Variants in MAGI2 observed in about 807,000 individuals in gnomAD.
The protein encoded by MAGI2 is membrane associated guanylate kinase, WW and PDZ domain containing 2.
Under a neutral mutation model 133.3 loss-of-function variants are expected in MAGI2, and 35 were observed. That is an observed-to-expected ratio of 0.26 (90% CI 0.20 to 0.35). MAGI2 has a LOEUF of 0.35. Ranked by LOEUF, MAGI2 falls within the 10% of genes least tolerant of loss-of-function variation. The pLI, the probability that MAGI2 is intolerant of heterozygous loss-of-function variation, is 1.00. For missense variants in MAGI2, 1,636 were observed against 1,863.4 expected, an observed-to-expected ratio of 0.88 and a Z score of 2.25; for synonymous variants, 729 against 710.6, an observed-to-expected ratio of 1.03 and a Z score of -0.41.
intron 6 of MAGI2, among the ~76,000 whole-genome samples, chr7:78,399,033 C>T (rs1169685934): frequency 2.0e-5 from 3 of 152,160 alleles, no homozygotes; most frequent in African/African-American, 7.2e-5. Context: ...AAGTAAAATG[C>T]TTTTCTTTCA....
At chr7:78,967,580 CTTATGT>C (rs1250113766) in intron 2 of MAGI2, among the ~76,000 whole-genome samples, 2 of 151,268 alleles carry the variant, frequency 1.3e-5, no homozygotes, top group Non-Finnish European at 2.9e-5. Flanking sequence ...AGTTTCAGGT[CTTATGT>C]TTAAGTCTTT....
chr7:78,233,883 A>T (rs1282629838), intron 10 of MAGI2, among the ~76,000 whole-genome samples: 1 of 152,122 alleles, frequency 6.6e-6, no homozygotes, highest in Admixed American at 6.6e-5. Context: ...GCCTAGGTAG[A>T]AGGTAGTTTC....
intron 2 of MAGI2, among the ~76,000 whole-genome samples, chr7:78,947,364 T>C (rs1801504933): frequency 6.6e-6 from 1 of 152,206 alleles, no homozygotes; most frequent in African/African-American, 2.4e-5. Flanking sequence ...AGACAAACCA[T>C]ACCCTTAAAA....
chr7:79,024,554 A>G (rs577012789), intron 1 of MAGI2, among the ~76,000 whole-genome samples: 1 of 151,960 alleles, frequency 6.6e-6, no homozygotes, highest in South Asian at 2.1e-4. Flanking sequence ...AAAACTATCA[A>G]CAAAGTAAAG....
At chr7:78,766,819 G>A (rs886474) in intron 2 of MAGI2, among the ~76,000 whole-genome samples, 134,079 of 152,098 alleles carry the variant, frequency 0.88, 59,176 homozygotes, top group East Asian at 1. Context: ...AAGCAGGCTT[G>A]TGTGACAGAA....
At chr7:78,793,165 G>A (rs989129108) in intron 2 of MAGI2, among the ~76,000 whole-genome samples, 5 of 152,182 alleles carry the variant, frequency 3.3e-5, no homozygotes, top group African/African-American at 1.2e-4. Context: ...CTAGATGGTG[G>A]CAGCTCTATC....
In MAGI2 at chr7:78,516,510, G is replaced by T. The variant is rs183679875; in HGVS notation, c.754+4920C>A. Among the ~76,000 whole-genome samples, 1,038 of 152,196 alleles carry T rather than the reference G, an allele frequency of 6.8e-3. 10 individuals carry two copies. Among genetic ancestry groups the T allele is most frequent in the Non-Finnish European group, 0.011 (721 of 68,004 alleles). ...TGGGACTACAGATGTGTACCACCAGGTCTGGCTAATTTTTATATTTTTTGT... is the reference window on the plus strand; with the variant it reads ...TGGGACTACAGATGTGTACCACCAGTTCTGGCTAATTTTTATATTTTTTGT... On this transcript the variant is annotated intron_variant, in intron 4 of 21. Coordinates refer to ENST00000354212, the MANE Select transcript of MAGI2 (RefSeq NM_012301.4).
intron 2 of MAGI2, among the ~76,000 whole-genome samples, chr7:78,782,798 T>G (rs1353645608): frequency 6.6e-6 from 1 of 152,030 alleles, no homozygotes; most frequent in African/African-American, 2.4e-5. Context: ...TTGACAGTAC[T>G]AAGCAGATCC....
At chr7:78,464,320 T>C (rs1363183607) in intron 6 of MAGI2, among the ~76,000 whole-genome samples, 3 of 152,184 alleles carry the variant, frequency 2.0e-5, no homozygotes, top group Non-Finnish European at 4.4e-5. Flanking sequence ...AATAACATCT[T>C]TGTTGTGAAA....
chr7:78,898,631 C>A (rs1476896650), intron 2 of MAGI2, among the ~76,000 whole-genome samples: 2 of 151,936 alleles, frequency 1.3e-5, no homozygotes, highest in Non-Finnish European at 2.9e-5. Flanking sequence ...TAGAGGGGAA[C>A]AACACACACT....
intron 3 of MAGI2, among the ~76,000 whole-genome samples, chr7:78,537,613 T>C (rs1042439349): frequency 5.9e-5 from 9 of 152,232 alleles, no homozygotes; most frequent in African/African-American, 2.2e-4. Context: ...TTGAGGATTT[T>C]TTCATGTTTC....
intron 6 of MAGI2, among the ~76,000 whole-genome samples, chr7:78,468,843 G>A (rs897683049): frequency 6.6e-6 from 1 of 152,154 alleles, no homozygotes; most frequent in Non-Finnish European, 1.5e-5. Flanking sequence ...TCTGGCAGAG[G>A]TGACACAAGT....
chr7:78,614,756 T>G (rs1806889403), intron 3 of MAGI2: 1 of 152,174 alleles, frequency 6.6e-6, no homozygotes, highest in Admixed American at 6.6e-5. Flanking sequence ...TTAAAATATT[T>G]TATACCAAGA....
chr7:78,989,246 T>C lies in MAGI2; in HGVS notation c.418+17844A>G, dbSNP rs942777539. Among the ~76,000 whole-genome samples the C allele has an allele frequency of 2.6e-5, 4 of 152,084 alleles. No individual in the cohort carries two copies. The South Asian group carries it at 8.3e-4, about 32-fold the overall frequency. ...TTACCCCAAAGAATTGGCTATGAGATAAATTTCATTATGCTAGTCAAGGAT... is the reference window on the plus strand; with the variant it reads ...TTACCCCAAAGAATTGGCTATGAGACAAATTTCATTATGCTAGTCAAGGAT... On this transcript the variant is annotated intron_variant, in intron 2 of 21. Coordinates refer to ENST00000354212, the MANE Select transcript of MAGI2 (RefSeq NM_012301.4).
chr7:78,417,562 CA>C (rs2151391706), intron 6 of MAGI2, among the ~76,000 whole-genome samples: 1 of 152,246 alleles, frequency 6.6e-6, no homozygotes, highest in African/African-American at 2.4e-5. Context: ...TATCCAAGAC[CA>C]TGAGTTATTT....
intron 1 of MAGI2, among the ~76,000 whole-genome samples, chr7:79,060,209 T>A (rs1234182817): frequency 6.6e-6 from 1 of 152,128 alleles, no homozygotes; most frequent in Non-Finnish European, 1.5e-5. Context: ...GTTTTCAAGG[T>A]AGAGCCATTA....
At chr7:78,262,791 T>G (rs552999396) in intron 9 of MAGI2, among the ~76,000 whole-genome samples, 1 of 152,324 alleles carries the variant, frequency 6.6e-6, no homozygotes, top group East Asian at 1.9e-4. Context: ...GCCCTTAGAT[T>G]CTAGCTCTTG....
intron 3 of MAGI2, among the ~76,000 whole-genome samples, chr7:78,569,345 G>C (rs918680322): frequency 6.6e-6 from 1 of 152,156 alleles, no homozygotes. Context: ...ATAAATGAAT[G>C]AATAATACTT....
chr7:78,295,762 G>A (rs939696443), intron 9 of MAGI2, among the ~76,000 whole-genome samples: 3 of 151,988 alleles, frequency 2.0e-5, no homozygotes, highest in African/African-American at 7.2e-5. Flanking sequence ...GTATCTCCAG[G>A]CACAGTGTCT....
Sources: gnomAD v4.1 joint callset for allele counts (sites outside exome capture counted in the v4.1 genomes callset) on GRCh38, gnomAD v4.1.1 for gene constraint, MANE v1.5 for transcripts, NCBI Gene and HGNC (gene_info 2026-07-23, HGNC 2026-07-21) for gene names.